The following NOVA2 variants were observed in gnomAD, a reference collection of about 807,000 sequenced individuals.
The protein encoded by NOVA2 is NOVA alternative splicing regulator 2.
Under a neutral mutation model 22.5 loss-of-function variants are expected in NOVA2, and 9 were observed. That is an observed-to-expected ratio of 0.40 (90% CI 0.24 to 0.70). NOVA2 has a LOEUF of 0.70. NOVA2 is among the 30% of genes least tolerant of loss of function. The pLI is 0.38. For synonymous variants in NOVA2, 318 were observed against 335.2 expected (o/e 0.95, Z 0.56); for missense variants, 383 against 682.8 (o/e 0.56, Z 4.89).
intron 2 of NOVA2, among the ~76,000 whole-genome samples, chr19:45,960,320 C>T (rs1297041667): frequency 1.3e-5 from 2 of 149,140 alleles, no homozygotes; most frequent in South Asian, 2.1e-4. Context: ...AAAGGAAAAA[C>T]GTGAGACTAT....
chr19:45,957,934 TA>T (rs956318582), intron 2 of NOVA2, among the ~76,000 whole-genome samples: 34 of 151,614 alleles, frequency 2.2e-4, no homozygotes, highest in African/African-American at 7.5e-4. Context: ...CTGTCTCTAC[TA>T]AAATACAAAA....
At position 45,940,007 on chromosome 19, in the gene NOVA2, C is replaced by A. The variant is rs368547399; in HGVS notation, c.1335G>T (p.Lys445Asn). Residue 445 changes from lysine (K) to asparagine (N), a missense_variant, in exon 4 of 4, where the codon AAG becomes AAT. Physicochemically the swap from Lys to Asn is moderately conservative, Grantham distance 94 (BLOSUM62 0). Transcript: ENST00000263257. ...TCCGCGTGCCTGGCAGGAACTCGCC[C>A]TTCTTGGAGATCTGGATGCGAGCGC... ...LTGARIQISKKGEFLPGTRNR... is the reference protein window; with the variant it reads ...LTGARIQISKNGEFLPGTRNR... 6.2e-7 allele frequency: 1 copy of A among 1,614,102 alleles called. No homozygotes were observed. The highest frequency in any genetic ancestry group is 8.5e-7 in the Non-Finnish European group (1 of 1,179,978).
intron 2 of NOVA2, among the ~76,000 whole-genome samples, chr19:45,959,238 G>A (rs1968059086): frequency 3.3e-5 from 5 of 152,144 alleles, no homozygotes; most frequent in Admixed American, 3.3e-4. Context: ...GATGTAGGGG[G>A]CTGTGTCCTG....
chr19:45,954,794 T>G (rs1421507107), intron 2 of NOVA2, among the ~76,000 whole-genome samples: 2 of 151,544 alleles, frequency 1.3e-5, no homozygotes, highest in East Asian at 3.9e-4. Context: ...TTGGGATATG[T>G]GTGTGAAAGA....
At position 45,961,261 on chromosome 19, in the gene NOVA2, A is replaced by C. The variant is rs1968092098; in HGVS notation, c.86-108T>G. On this transcript the variant is annotated intron_variant, in intron 1 of 3. Transcript: ENST00000263257. ...GGTCACAGTAGCAGTATGGAGAATA[A>C]TACAAATAATGATCTTCATTCACTC... 3 of 661,992 alleles carry C rather than the reference A, an allele frequency of 4.5e-6. No homozygotes were observed. In the Admixed American group the frequency reaches 8.6e-5, roughly 19 times the overall value. 41.0% of individuals were successfully genotyped at this position (661,992 alleles called of 1,614,324 possible). A position where few individuals can be genotyped will look rare whatever the true frequency, so the allele number is the denominator to read the frequency against.
At chr19:45,960,947 G>A in intron 2 of NOVA2, 63 bp downstream of exon 2, 1 of 1,503,110 alleles carries the variant, frequency 6.7e-7, no homozygotes, top group Non-Finnish European at 9.0e-7. Context: ...CTAGGGCCCA[G>A]GTGGGAGGGA....
chr19:45,946,644 C>T (rs1039233888), intron 3 of NOVA2, among the ~76,000 whole-genome samples: 6 of 152,062 alleles, frequency 3.9e-5, no homozygotes, highest in African/African-American at 7.2e-5. Flanking sequence ...GAGGCCAAGG[C>T]GGGCGGATCA....
intron 2 of NOVA2, among the ~76,000 whole-genome samples, chr19:45,959,732 CAG>C (rs1384189770): frequency 3.7e-5 from 5 of 135,984 alleles, no homozygotes; most frequent in African/African-American, 1.1e-4. Context: ...GAAGATAGAG[CAG>C]AGAGAGAATG....
chr19:45,941,963 C>T (rs957099410), intron 3 of NOVA2, among the ~76,000 whole-genome samples: 1 of 152,150 alleles, frequency 6.6e-6, no homozygotes, highest in African/African-American at 2.4e-5. Context: ...TCTAGTGTTA[C>T]GTACTCTGAC....
At chr19:45,954,103 G>A (rs1967967781) in intron 2 of NOVA2, among the ~76,000 whole-genome samples, 157 bp from the exon 3 acceptor site, 1 of 152,200 alleles carries the variant, frequency 6.6e-6, no homozygotes, top group Non-Finnish European at 1.5e-5. Flanking sequence ...GGGCTGGCAG[G>A]CCATGATGGG....
chr19:45,972,741 A>G (rs534727459), intron 1 of NOVA2, among the ~76,000 whole-genome samples: 2 of 151,284 alleles, frequency 1.3e-5, no homozygotes, highest in Admixed American at 6.6e-5. Context: ...CACACCCACC[A>G]TTTCCTCCAT....
chr19:45,960,314 G>A (rs1397369465), intron 2 of NOVA2, among the ~76,000 whole-genome samples: 1 of 151,514 alleles, frequency 6.6e-6, no homozygotes, highest in Non-Finnish European at 1.5e-5. Flanking sequence ...AGGAGGAAAG[G>A]AAAAACGTGA....
intron 2 of NOVA2, among the ~76,000 whole-genome samples, chr19:45,958,345 C>T (rs950590261): frequency 6.6e-6 from 1 of 150,868 alleles, no homozygotes; most frequent in African/African-American, 2.4e-5. Flanking sequence ...GTAGTAGACA[C>T]CCAAGTGCTG....
At chr19:45,951,203 G>A (rs563015986) in intron 3 of NOVA2, among the ~76,000 whole-genome samples, 39 of 152,328 alleles carry the variant, frequency 2.6e-4, no homozygotes, top group Admixed American at 6.5e-4. Flanking sequence ...TTGGCCTGGC[G>A]CAATGGCTCA....
At chr19:45,964,384 G>A (rs1160609661) in intron 1 of NOVA2, among the ~76,000 whole-genome samples, 1 of 148,798 alleles carries the variant, frequency 6.7e-6, no homozygotes, top group Admixed American at 6.8e-5. Flanking sequence ...GTGTGTGTGT[G>A]TGTGTGTGTG....
chr19:45,960,307 A>G (rs1412654391), intron 2 of NOVA2, among the ~76,000 whole-genome samples: 1 of 150,908 alleles, frequency 6.6e-6, no homozygotes, highest in Non-Finnish European at 1.5e-5. Flanking sequence ...GAGAGAGAGG[A>G]GGAAAGGAAA....
Position 45,973,364 on chromosome 19 carries a change from GGGC to G in NOVA2, c.-16_-14del. 1.1e-5 allele frequency: 11 copies of G among 985,228 alleles called. No individual in the cohort carries two copies. The highest frequency in any genetic ancestry group is 1.4e-5 in the Non-Finnish European group (11 of 766,936). 61.0% of individuals were successfully genotyped at this position (985,228 alleles called of 1,614,324 possible). ...CCTCGGGCTCCATGGGGGGGGCCTG[GGGC>G]GGCGGCTGCTGCTGCTGCGGCGGCT... On this transcript the variant is annotated 5_prime_UTR_variant, in exon 1 of 4. Coordinates refer to ENST00000263257, the MANE Select transcript of NOVA2 (RefSeq NM_002516.4).
intron 3 of NOVA2, 33 bp downstream of exon 3, chr19:45,953,747 C>A (rs1249734669): frequency 1.9e-6 from 3 of 1,613,378 alleles, no homozygotes; most frequent in Admixed American, 1.7e-5. Flanking sequence ...ATGTCAACAG[C>A]TTTACAGCAA....
chr19:45,962,548 A>G (rs1022526043), intron 1 of NOVA2: 24 of 152,572 alleles, frequency 1.6e-4, no homozygotes. Flanking sequence ...GATGAAGGAC[A>G]GCCTCGAAGA....
Sources: allele counts gnomAD v4.1 joint callset (sites outside exome capture counted in the v4.1 genomes callset), GRCh38; gene constraint gnomAD v4.1.1; transcripts MANE v1.5; gene names NCBI Gene and HGNC (gene_info 2026-07-23, HGNC 2026-07-21).